FAM107B: variants seen among roughly 807,000 people sequenced by gnomAD.
The protein encoded by FAM107B is protein FAM107B.
A neutral mutation model predicts 31.5 loss-of-function variants in FAM107B; 21 were observed. The ratio of observed to expected loss-of-function variants is 0.67; its 90% confidence interval spans 0.47 to 0.96. The LOEUF (loss-of-function observed/expected upper bound fraction) is 0.96, where lower values mean the gene tolerates loss of function less well. Ranked by LOEUF, FAM107B falls within the 40% of genes least tolerant of loss-of-function variation. The pLI is 0.00. For synonymous variants in FAM107B, 157 were observed against 141.5 expected (o/e 1.11, Z -0.78); for missense variants, 452 against 377.1 (o/e 1.20, Z -1.64).
At chr10:14,717,412 T>G (rs1008972126) in intron 1 of FAM107B, among the ~76,000 whole-genome samples, 7 of 152,084 alleles carry the variant, frequency 4.6e-5, no homozygotes, top group African/African-American at 1.4e-4. Flanking sequence ...GAGAAGCCAG[T>G]AGCATGGCTC....
At chr10:14,751,037 G>C (rs961528241) in intron 1 of FAM107B, among the ~76,000 whole-genome samples, 2 of 152,168 alleles carry the variant, frequency 1.3e-5, no homozygotes, top group African/African-American at 4.8e-5. Context: ...TGGTTTCCAT[G>C]GTGGCACATC....
intron 2 of FAM107B, among the ~76,000 whole-genome samples, chr10:14,617,821 G>A (rs934245979): frequency 6.6e-6 from 1 of 152,022 alleles, no homozygotes; most frequent in Non-Finnish European, 1.5e-5. Flanking sequence ...AATTACCATG[G>A]TGGCGCATGC....
intron 2 of FAM107B, among the ~76,000 whole-genome samples, chr10:14,650,581 C>T (rs558039300): frequency 5.7e-4 from 87 of 152,322 alleles, no homozygotes; most frequent in Admixed American, 2.0e-3. Flanking sequence ...CCACCGCGCC[C>T]GGCCTCTCGA....
Position 14,572,443 on chromosome 10 carries a change from A to C in FAM107B, c.470-41928T>G, listed in dbSNP as rs531291684. On this transcript the variant is annotated intron_variant, in intron 2 of 4. Transcript: ENST00000181796. The stretch of plus-strand genomic sequence containing the variant: ...TTCTCGCACTTCTTAGAGCATCACC[A>C]CAACACCTACAGCATGGAGGCCTGA... The C allele has an allele frequency of 6.1e-6, 6 of 977,842 alleles. No individual in the cohort carries two copies. The African/African-American group carries it at 8.7e-5, about 14-fold the overall frequency. 60.6% of individuals were successfully genotyped at this position (977,842 alleles called of 1,614,324 possible).
chr10:14,689,525 C>T lies in FAM107B; in HGVS notation c.412-21834G>A, dbSNP rs578038213. ...TGAGGAAAGACACCTTCTGGCCTGACGGTAATGAGAGGTAAGTACGAGGAA... is the reference window on the plus strand; with the variant it reads ...TGAGGAAAGACACCTTCTGGCCTGATGGTAATGAGAGGTAAGTACGAGGAA... On this transcript the variant is annotated intron_variant, in intron 1 of 4. Transcript: ENST00000181796. 1.0e-3 allele frequency among the ~76,000 whole-genome samples: 155 copies of T among 152,142 alleles called. 1 individual carries two copies. The highest frequency in any genetic ancestry group is 3.5e-3 in the African/African-American group (146 of 41,498).
At chr10:14,650,284 C>T (rs1459366166) in intron 2 of FAM107B, among the ~76,000 whole-genome samples, 1 of 151,614 alleles carries the variant, frequency 6.6e-6, no homozygotes, top group Non-Finnish European at 1.5e-5. Flanking sequence ...TCATTCTTAA[C>T]TCTGATTTTT....
chr10:14,773,714 A>G (rs1833355834), intron 1 of FAM107B, among the ~76,000 whole-genome samples: 1 of 152,170 alleles, frequency 6.6e-6, no homozygotes, highest in South Asian at 2.1e-4. Context: ...AAAAACATCC[A>G]TATTATGAAT....
intron 1 of FAM107B, 145 bp from the exon 2 acceptor site, chr10:14,667,836 G>T: frequency 1.3e-6 from 1 of 770,990 alleles, no homozygotes; most frequent in East Asian, 2.7e-5. Context: ...CTGAGGTTTT[G>T]GACAAGCTAC....
intron 2 of FAM107B, chr10:14,555,922 C>CACACACAA (rs1457183645): frequency 6.5e-6 from 1 of 154,994 alleles, no homozygotes; most frequent in Non-Finnish European, 1.4e-5. Context: ...CACACACACA[C>CACACACAA]ACACTGGGCA....
intron 2 of FAM107B, among the ~76,000 whole-genome samples, chr10:14,625,922 G>A (rs1177407025): frequency 7.0e-6 from 1 of 143,850 alleles, no homozygotes; most frequent in Non-Finnish European, 1.5e-5. Context: ...GGCTTAAAAG[G>A]AGAAGTCGTA....
intron 3 of FAM107B, among the ~76,000 whole-genome samples, chr10:14,527,401 G>T (rs773489747): frequency 6.6e-6 from 1 of 152,206 alleles, no homozygotes; most frequent in South Asian, 2.1e-4. Context: ...GTGGGTACTT[G>T]TTCTCTTAAG....
intron 2 of FAM107B, among the ~76,000 whole-genome samples, chr10:14,648,223 A>G (rs1853809422): frequency 2.0e-5 from 3 of 152,222 alleles, no homozygotes; most frequent in Non-Finnish European, 4.4e-5. Flanking sequence ...CTCACAAGGA[A>G]GCTTGACTGA....
At chr10:14,628,936 C>A (rs1341852593) in intron 2 of FAM107B, among the ~76,000 whole-genome samples, 3 of 151,326 alleles carry the variant, frequency 2.0e-5, no homozygotes, top group Non-Finnish European at 4.4e-5. Flanking sequence ...TAAGTTGACA[C>A]AATAAAACCA....
At chr10:14,697,537 A>G (rs113763333) in intron 1 of FAM107B, among the ~76,000 whole-genome samples, 24 of 152,356 alleles carry the variant, frequency 1.6e-4, no homozygotes, top group African/African-American at 5.1e-4. Flanking sequence ...TCTTCCTCTT[A>G]CGATAGCCTT....
At chr10:14,754,544 T>C (rs1324922175) in intron 1 of FAM107B, among the ~76,000 whole-genome samples, 1 of 152,180 alleles carries the variant, frequency 6.6e-6, no homozygotes, top group East Asian at 1.9e-4. Flanking sequence ...TGTGATGATC[T>C]AAAACCCTCA....
At chr10:14,723,946 T>G in intron 1 of FAM107B, 1 of 749,762 alleles carries the variant, frequency 1.3e-6, no homozygotes, top group South Asian at 1.3e-5. Flanking sequence ...TTTATAGATG[T>G]GCTGTTCCAT....
intron 2 of FAM107B, chr10:14,602,765 A>T (rs903316521): frequency 6.6e-6 from 1 of 152,206 alleles, no homozygotes; most frequent in Admixed American, 6.5e-5. Context: ...CTTTTTTGTC[A>T]GCCCATTCTT....
intron 2 of FAM107B, among the ~76,000 whole-genome samples, chr10:14,547,988 T>A (rs1015384098): frequency 3.9e-5 from 6 of 152,204 alleles, no homozygotes; most frequent in Admixed American, 2.6e-4. Flanking sequence ...TTAAAGTCTG[T>A]TTTCCCACTT....
At chr10:14,550,720 T>TC (rs1214227885) in intron 2 of FAM107B, among the ~76,000 whole-genome samples, 1 of 152,242 alleles carries the variant, frequency 6.6e-6, no homozygotes, top group Non-Finnish European at 1.5e-5. Context: ...CAGCATCCTA[T>TC]CAGCTTTGAC....
Sources: gnomAD v4.1 joint callset for allele counts (sites outside exome capture counted in the v4.1 genomes callset) on GRCh38, gnomAD v4.1.1 for gene constraint, MANE v1.5 for transcripts, NCBI Gene and HGNC (gene_info 2026-07-23, HGNC 2026-07-21) for gene names.